Variants in ASIC2 observed in about 807,000 individuals in gnomAD.
The protein encoded by ASIC2 is acid sensing ion channel subunit 2.
A neutral mutation model predicts 57.3 loss-of-function variants in ASIC2; 25 were observed. The ratio of observed to expected loss-of-function variants is 0.44; its 90% CI spans 0.32 to 0.61. ASIC2 has a LOEUF of 0.61. Ranked by LOEUF, ASIC2 falls within the 20% of genes least tolerant of loss-of-function variation. The pLI, the probability that ASIC2 is intolerant of heterozygous loss-of-function variation, is 0.06. For synonymous variants in ASIC2, 319 were observed against 307.5 expected, an observed-to-expected ratio of 1.04 and a Z score of -0.39; for missense variants, 641 against 738.1, an observed-to-expected ratio of 0.87 and a Z score of 1.52.
chr17:34,139,675 C>G (rs1281962554), intron 1 of ASIC2, among the ~76,000 whole-genome samples: 1 of 152,070 alleles, frequency 6.6e-6, no homozygotes, highest in African/African-American at 2.4e-5. Flanking sequence ...TACTACATGA[C>G]TGCATTTATA....
At chr17:33,462,966 C>T (rs1356676889) in intron 1 of ASIC2, among the ~76,000 whole-genome samples, 5 of 152,204 alleles carry the variant, frequency 3.3e-5, no homozygotes, top group African/African-American at 1.2e-4. Flanking sequence ...CCACTTACTT[C>T]CTGCGGATCT....
intron 1 of ASIC2, among the ~76,000 whole-genome samples, chr17:33,414,752 G>T (rs1456980826): frequency 6.6e-6 from 1 of 152,162 alleles, no homozygotes; most frequent in Non-Finnish European, 1.5e-5. Context: ...ATTTTAATTT[G>T]GTTCTGTCAC....
intron 1 of ASIC2, among the ~76,000 whole-genome samples, chr17:33,983,639 G>A (rs1001272341): frequency 6.6e-5 from 10 of 152,134 alleles, no homozygotes; most frequent in Admixed American, 2.6e-4. Context: ...AGGAAGTTAG[G>A]CGTGCAAATT....
intron 1 of ASIC2, among the ~76,000 whole-genome samples, chr17:33,387,867 G>T (rs1391182446): frequency 6.6e-6 from 1 of 152,162 alleles, no homozygotes; most frequent in Non-Finnish European, 1.5e-5. Flanking sequence ...AAGAAAAGGC[G>T]ATGTGAATTT....
chr17:33,733,784 C>T (rs531386656), intron 1 of ASIC2, among the ~76,000 whole-genome samples: 7 of 152,256 alleles, frequency 4.6e-5, no homozygotes, highest in South Asian at 2.1e-4. Flanking sequence ...CCCTCGCTCC[C>T]GTTCAGATAG....
intron 1 of ASIC2, among the ~76,000 whole-genome samples, chr17:33,969,043 G>A (rs553573092): frequency 1.8e-3 from 281 of 152,282 alleles, no homozygotes; most frequent in Non-Finnish European, 3.5e-3. Flanking sequence ...ACAGAGGCCC[G>A]GGCCCAGTGC....
chr17:33,486,433 T>C (rs1047355618), intron 1 of ASIC2, among the ~76,000 whole-genome samples: 2 of 152,212 alleles, frequency 1.3e-5, no homozygotes, highest in African/African-American at 4.8e-5. Context: ...ACTCACGTTT[T>C]TTCCTGGAGC....
chr17:33,958,693 A>C (rs1200443056), intron 1 of ASIC2, among the ~76,000 whole-genome samples: 1 of 152,032 alleles, frequency 6.6e-6, no homozygotes, highest in Non-Finnish European at 1.5e-5. Context: ...CCAGCCTGTG[A>C]TGGGAGTGGC....
At chr17:33,563,975 C>T (rs183764531) in intron 1 of ASIC2, among the ~76,000 whole-genome samples, 31 of 152,246 alleles carry the variant, frequency 2.0e-4, no homozygotes, top group Non-Finnish European at 3.2e-4. Flanking sequence ...ATATTTCTTA[C>T]GAGATTAGAT....
chr17:33,694,778 G>C, intron 1 of ASIC2, among the ~76,000 whole-genome samples: 1 of 152,160 alleles, frequency 6.6e-6, no homozygotes, highest in East Asian at 1.9e-4. Flanking sequence ...GGATGCTACT[G>C]TCTCCATCTC....
At chr17:33,712,635 G>GTTT (rs1567695931) in intron 1 of ASIC2, among the ~76,000 whole-genome samples, 13 of 123,324 alleles carry the variant, frequency 1.1e-4, no homozygotes, top group African/African-American at 3.9e-4. Context: ...TACTCATATG[G>GTTT]CTTTTTTTTT....
intron 1 of ASIC2, among the ~76,000 whole-genome samples, chr17:34,133,251 TC>T (rs1912043949): frequency 1.3e-5 from 2 of 152,058 alleles, no homozygotes; most frequent in East Asian, 1.9e-4. Context: ...CAAGCGTCTT[TC>T]TTTTTCTTGG....
chr17:33,423,767 A>G (rs966055687), intron 1 of ASIC2, among the ~76,000 whole-genome samples: 1 of 152,206 alleles, frequency 6.6e-6, no homozygotes, highest in Non-Finnish European at 1.5e-5. Context: ...CATATCCAGA[A>G]CAACTCATGC....
intron 1 of ASIC2, among the ~76,000 whole-genome samples, chr17:33,494,344 C>T (rs1419538859): frequency 6.6e-6 from 1 of 152,022 alleles, no homozygotes; most frequent in South Asian, 2.1e-4. Context: ...ATGCATGGGT[C>T]GTTGCCATGG....
At chr17:33,968,236 C>T (rs1905128168) in intron 1 of ASIC2, among the ~76,000 whole-genome samples, 2 of 152,206 alleles carry the variant, frequency 1.3e-5, no homozygotes, top group Admixed American at 6.5e-5. Context: ...GCCCAGTGCC[C>T]TTCCTGCTAC....
At chr17:33,014,448 G>T (rs1358672623) in intron 9 of ASIC2, among the ~76,000 whole-genome samples, 1 of 151,982 alleles carries the variant, frequency 6.6e-6, no homozygotes, top group Non-Finnish European at 1.5e-5. Context: ...GCAGCCCATG[G>T]CTAAGCCTGG....
intron 1 of ASIC2, among the ~76,000 whole-genome samples, chr17:34,135,532 C>T (rs1367926198): frequency 2.0e-5 from 3 of 152,124 alleles, no homozygotes; most frequent in Non-Finnish European, 4.4e-5. Context: ...TTCTCTGTGG[C>T]GAGACCCAGA....
At chr17:33,416,037 C>T (rs1910830853) in intron 1 of ASIC2, among the ~76,000 whole-genome samples, 1 of 152,174 alleles carries the variant, frequency 6.6e-6, no homozygotes, top group South Asian at 2.1e-4. Context: ...CAGGCAGCAC[C>T]TCTGGGCTCA....
At chr17:33,870,153 G>T (rs1914355360) in intron 1 of ASIC2, among the ~76,000 whole-genome samples, 1 of 141,034 alleles carries the variant, frequency 7.1e-6, no homozygotes, top group African/African-American at 2.6e-5. Context: ...AGATGCTTCA[G>T]ATAAAAAATT....
Sources: allele counts gnomAD v4.1 joint callset (sites outside exome capture counted in the v4.1 genomes callset), GRCh38; gene constraint gnomAD v4.1.1; transcripts MANE v1.5; gene names NCBI Gene and HGNC (gene_info 2026-07-23, HGNC 2026-07-21).